CCDC91: variants seen among roughly 807,000 people sequenced by gnomAD.
CCDC91 encodes the protein coiled-coil domain containing 91.
CCDC91 carries 48 observed loss-of-function variants against 63.2 expected under a neutral mutation model. The ratio of observed to expected loss-of-function variants is 0.76; its 90% CI spans 0.60 to 0.97. CCDC91 has a LOEUF of 0.97. Among genes scored for constraint, CCDC91 ranks in the 50% least tolerant of loss-of-function variants. The probability of loss-of-function intolerance (pLI) is 0.00; values close to 1 mark genes in which losing one functional copy is unlikely to be tolerated. For missense variants in CCDC91, 500 were observed against 494.6 expected (o/e 1.01, Z -0.10); for synonymous variants, 167 against 165.8 (o/e 1.01, Z -0.06).
At chr12:28,326,703 T>C (rs1319502565) in intron 6 of CCDC91, among the ~76,000 whole-genome samples, 1 of 151,788 alleles carries the variant, frequency 6.6e-6, no homozygotes, top group Non-Finnish European at 1.5e-5. Flanking sequence ...CAACGTTAAA[T>C]CTCCATTCTA....
intron 1 of CCDC91, among the ~76,000 whole-genome samples, chr12:28,212,133 A>G (rs1449920487): frequency 1.3e-5 from 2 of 152,214 alleles, no homozygotes; most frequent in African/African-American, 4.8e-5. Flanking sequence ...TGGGTCCTGC[A>G]GGTACCTTGC....
At chr12:28,293,030 A>C (rs958438556) in intron 3 of CCDC91, among the ~76,000 whole-genome samples, 1 of 152,212 alleles carries the variant, frequency 6.6e-6, no homozygotes, top group African/African-American at 2.4e-5. Flanking sequence ...AGATATTTCT[A>C]TTTTATGATT....
At chr12:28,396,420 A>G (rs950623382) in intron 8 of CCDC91, among the ~76,000 whole-genome samples, 8 of 152,194 alleles carry the variant, frequency 5.3e-5, no homozygotes, top group Non-Finnish European at 7.4e-5. Context: ...TAGAAATACT[A>G]CTGTGGCTAA....
chr12:28,514,386 A>G (rs1939700112), intron 12 of CCDC91, among the ~76,000 whole-genome samples: 1 of 151,010 alleles, frequency 6.6e-6, no homozygotes, highest in African/African-American at 2.4e-5. Flanking sequence ...AGTTTGTGAA[A>G]ATTTTCTTCC....
intron 1 of CCDC91, among the ~76,000 whole-genome samples, chr12:28,241,785 C>T (rs1372981777): frequency 6.6e-6 from 1 of 151,892 alleles, no homozygotes; most frequent in Non-Finnish European, 1.5e-5. Context: ...CACCTGAGGT[C>T]AGGAGTTCAA....
intron 3 of CCDC91, among the ~76,000 whole-genome samples, chr12:28,267,545 T>C (rs1024725190): frequency 8.1e-5 from 12 of 148,618 alleles, no homozygotes; most frequent in Non-Finnish European, 1.6e-4. Context: ...AATTAACAGT[T>C]TACTTACTAA....
At chr12:28,452,325 T>C (rs1263103193) in intron 10 of CCDC91, among the ~76,000 whole-genome samples, 153 bp from the exon 11 acceptor site, 1 of 151,684 alleles carries the variant, frequency 6.6e-6, no homozygotes, top group Admixed American at 6.6e-5. Flanking sequence ...AGATTTTATT[T>C]TGTAGCAGTT....
At chr12:28,367,224 A>G (rs565288057) in intron 7 of CCDC91, among the ~76,000 whole-genome samples, 1 of 152,340 alleles carries the variant, frequency 6.6e-6, no homozygotes, top group Admixed American at 6.5e-5. Context: ...AAATGTTTTA[A>G]CAAGTGATTA....
intron 7 of CCDC91, among the ~76,000 whole-genome samples, chr12:28,379,499 A>T (rs1945156377): frequency 6.6e-6 from 1 of 151,962 alleles, no homozygotes; most frequent in Non-Finnish European, 1.5e-5. Flanking sequence ...TGGGCAAAGG[A>T]TATGAACAGA....
At chr12:28,338,258 C>CT (rs71039893) in intron 6 of CCDC91, among the ~76,000 whole-genome samples, 126,052 of 143,770 alleles carry the variant, frequency 0.88, 56,294 homozygotes, top group East Asian at 0.99. Context: ...CCTTATGGAT[C>CT]TTTTTTTTTT....
intron 3 of CCDC91, among the ~76,000 whole-genome samples, chr12:28,298,530 T>A (rs1311594000): frequency 6.6e-6 from 1 of 151,428 alleles, no homozygotes; most frequent in Non-Finnish European, 1.5e-5. Context: ...ACAAAAGTCT[T>A]TAGAAGTATA....
At chr12:28,419,475 C>T (rs1345035906) in intron 8 of CCDC91, among the ~76,000 whole-genome samples, 2 of 151,912 alleles carry the variant, frequency 1.3e-5, no homozygotes, top group African/African-American at 4.8e-5. Context: ...AAATATAAAC[C>T]AATAAATCTT....
intron 1 of CCDC91, among the ~76,000 whole-genome samples, chr12:28,209,627 C>T (rs1321739445): frequency 3.9e-5 from 6 of 152,016 alleles, no homozygotes; most frequent in Non-Finnish European, 4.4e-5. Flanking sequence ...GACAGGGTTT[C>T]GTCATGTTGA....
intron 6 of CCDC91, among the ~76,000 whole-genome samples, chr12:28,321,063 A>G (rs1940447690): frequency 6.6e-6 from 1 of 151,924 alleles, no homozygotes; most frequent in Non-Finnish European, 1.5e-5. Flanking sequence ...TTAACAATGC[A>G]GAGAATGGTG....
intron 3 of CCDC91, among the ~76,000 whole-genome samples, chr12:28,293,824 G>A (rs1237669018): frequency 2.0e-5 from 3 of 151,914 alleles, no homozygotes; most frequent in African/African-American, 4.8e-5. Context: ...GAACTCCTGG[G>A]TTCAAACCAT....
In CCDC91 at chr12:28,462,282, T is replaced by C. The variant is rs1057182885; in HGVS notation, c.1101+9628T>C. ...CCATCTTATTCCAAGGGTTAAGAAG[T>C]TGTGCAATGCCTAATATGTACAAAA... On this transcript the variant is annotated intron_variant, in intron 11 of 12. Transcript: ENST00000536442. Among the ~76,000 whole-genome samples the C allele has an allele frequency of 2.0e-5, 3 of 152,198 alleles. No homozygotes were observed. The East Asian group carries it at 5.8e-4, about 29-fold the overall frequency.
At chr12:28,453,147 AG>A (rs1258372371) in intron 11 of CCDC91, among the ~76,000 whole-genome samples, 4 of 152,012 alleles carry the variant, frequency 2.6e-5, no homozygotes, top group Admixed American at 6.6e-5. Context: ...AGTCTCATAA[AG>A]ATACATAATG....
chr12:28,481,755 C>T (rs950389971), intron 11 of CCDC91, among the ~76,000 whole-genome samples: 1 of 151,850 alleles, frequency 6.6e-6, no homozygotes, highest in Non-Finnish European at 1.5e-5. Context: ...AGTTAACTCC[C>T]AACTGGGGAG....
At chr12:28,477,545 GA>G (rs1419340340) in intron 11 of CCDC91, among the ~76,000 whole-genome samples, 6 of 152,108 alleles carry the variant, frequency 3.9e-5, no homozygotes, top group African/African-American at 1.4e-4. Context: ...CATTCCATTT[GA>G]AAACTGGCAC....
Sources: allele counts gnomAD v4.1 joint callset (sites outside exome capture counted in the v4.1 genomes callset), GRCh38; gene constraint gnomAD v4.1.1; transcripts MANE v1.5; gene names NCBI Gene and HGNC (gene_info 2026-07-23, HGNC 2026-07-21).